KAZN: variants seen among roughly 807,000 people sequenced by gnomAD.
KAZN encodes kazrin, periplakin interacting protein, also known as kazrin.
A neutral mutation model predicts 87.4 loss-of-function variants in KAZN; 40 were observed. The ratio of observed to expected loss-of-function variants is 0.46; its 90% CI spans 0.36 to 0.60. KAZN has a LOEUF of 0.60. Among genes scored for constraint, KAZN ranks in the 20% least tolerant of loss-of-function variants. The pLI, the probability that KAZN is intolerant of heterozygous loss-of-function variation, is 0.00. For synonymous variants in KAZN, 466 were observed against 458.3 expected (o/e 1.02, Z -0.22); for missense variants, 898 against 1,073.9 (o/e 0.84, Z 2.29).
At chr1:14,494,276 T>A (rs902322849) in intron 2 of KAZN, among the ~76,000 whole-genome samples, 1 of 152,190 alleles carries the variant, frequency 6.6e-6, no homozygotes, top group Non-Finnish European at 1.5e-5. Flanking sequence ...GTGCCATAAA[T>A]AAGATGTGGG....
intron 1 of KAZN, among the ~76,000 whole-genome samples, chr1:14,681,214 G>A (rs1203038132): frequency 6.6e-6 from 1 of 152,160 alleles, no homozygotes; most frequent in Non-Finnish European, 1.5e-5. Flanking sequence ...GGTTTGGGTG[G>A]GGACAAATAC....
chr1:14,677,495 G>T (rs549796483), intron 1 of KAZN, among the ~76,000 whole-genome samples: 2 of 152,066 alleles, frequency 1.3e-5, no homozygotes, highest in Non-Finnish European at 2.9e-5. Context: ...GGCCTGTGGG[G>T]TAAGAGTGGA....
At chr1:15,083,668 G>A (rs1640115340) in intron 8 of KAZN, among the ~76,000 whole-genome samples, 1 of 151,994 alleles carries the variant, frequency 6.6e-6, no homozygotes, top group East Asian at 1.9e-4. Context: ...CTGTCTCGGT[G>A]CTTAGGCCTG....
chr1:14,848,214 G>A (rs1649004738), intron 1 of KAZN, among the ~76,000 whole-genome samples: 1 of 152,056 alleles, frequency 6.6e-6, no homozygotes, highest in Non-Finnish European at 1.5e-5. Flanking sequence ...TCTTTCCTCT[G>A]CTTTGCTGCT....
At chr1:13,903,407 A>G (rs1202903693) in intron 1 of KAZN, among the ~76,000 whole-genome samples, 1 of 152,190 alleles carries the variant, frequency 6.6e-6, no homozygotes, top group Non-Finnish European at 1.5e-5. Flanking sequence ...CATCCTCTTT[A>G]GTGCCTGCAT....
At chr1:14,870,609 G>A (rs140203004) in intron 1 of KAZN, among the ~76,000 whole-genome samples, 1 of 152,328 alleles carries the variant, frequency 6.6e-6, no homozygotes, top group East Asian at 1.9e-4. Flanking sequence ...CCAAAGTGCT[G>A]GGATTACAGG....
intron 1 of KAZN, among the ~76,000 whole-genome samples, chr1:14,064,917 C>T (rs930406206): frequency 4.6e-5 from 7 of 152,268 alleles, no homozygotes; most frequent in Middle Eastern, 6.8e-3. Flanking sequence ...AGTCTTGTCC[C>T]GGCAAATGCT....
chr1:14,494,179 G>T (rs972993057), intron 2 of KAZN, among the ~76,000 whole-genome samples: 2 of 152,182 alleles, frequency 1.3e-5, no homozygotes, highest in African/African-American at 4.8e-5. Flanking sequence ...GAGCAGCCCA[G>T]AGCCAGCAAG....
At chr1:14,552,493 G>A (rs938298238) in intron 2 of KAZN, among the ~76,000 whole-genome samples, 7 of 152,204 alleles carry the variant, frequency 4.6e-5, no homozygotes, top group African/African-American at 1.2e-4. Flanking sequence ...GCAACTTGGC[G>A]GTTGCCAGGG....
intron 2 of KAZN, among the ~76,000 whole-genome samples, chr1:14,487,807 T>C (rs1669426420): frequency 6.6e-6 from 1 of 152,098 alleles, no homozygotes; most frequent in Non-Finnish European, 1.5e-5. Context: ...TGAGGATGGA[T>C]CAGATGCCAT....
At chr1:14,431,994 C>T (rs1224259741) in intron 2 of KAZN, among the ~76,000 whole-genome samples, 4 of 152,080 alleles carry the variant, frequency 2.6e-5, no homozygotes, top group Admixed American at 6.5e-5. Context: ...TGGTTCTGTC[C>T]CTCTGGAGAA....
Position 14,700,704 on chromosome 1 carries a change from T to C in KAZN, c.226+101481T>C, listed in dbSNP as rs569645717. On this transcript the variant is annotated intron_variant, in intron 1 of 14. Transcript: ENST00000376030. ...TCTCTCGTGTCTAAAAAGGCAATGG[T>C]GTGGCTTGCCAGAGGCGTCCAGGAC... Among the ~76,000 whole-genome samples, 99 of 152,102 alleles carry C rather than the reference T, an allele frequency of 6.5e-4. No homozygotes were observed. In the South Asian group the frequency reaches 9.1e-3, roughly 14 times the overall value.
intron 13 of KAZN, among the ~76,000 whole-genome samples, chr1:15,110,511 G>GTA (rs1557807178): frequency 2.1e-4 from 19 of 91,134 alleles, no homozygotes; most frequent in Non-Finnish European, 4.0e-4. Context: ...GTGTATTTGT[G>GTA]TGTTTGTGTG....
chr1:14,666,638 C>T (rs533037029), intron 1 of KAZN, among the ~76,000 whole-genome samples: 2 of 152,262 alleles, frequency 1.3e-5, no homozygotes, highest in East Asian at 1.9e-4. Flanking sequence ...TTGCCTCTTT[C>T]GGCTTCTGGT....
intron 1 of KAZN, among the ~76,000 whole-genome samples, chr1:13,996,394 G>A (rs1639519542): frequency 6.6e-6 from 1 of 152,162 alleles, no homozygotes; most frequent in Non-Finnish European, 1.5e-5. Context: ...CTCCTCGAGG[G>A]AGGAGCAGCA....
At chr1:14,371,609 T>TA (rs901349840) in intron 2 of KAZN, among the ~76,000 whole-genome samples, 35 of 151,174 alleles carry the variant, frequency 2.3e-4, no homozygotes, top group East Asian at 1.7e-3. Flanking sequence ...AAGATGCTGA[T>TA]AAAAAAAAAT....
At chr1:14,709,817 C>T (rs563318430) in intron 1 of KAZN, among the ~76,000 whole-genome samples, 15 of 152,308 alleles carry the variant, frequency 9.8e-5, no homozygotes, top group Non-Finnish European at 1.9e-4. Flanking sequence ...TCACCAGGTG[C>T]CTTTTCTTAT....
At chr1:14,663,225 C>T (rs1363519047) in intron 1 of KAZN, among the ~76,000 whole-genome samples, 1 of 152,064 alleles carries the variant, frequency 6.6e-6, no homozygotes, top group East Asian at 1.9e-4. Context: ...AATCCTCCTG[C>T]CTTTGCCTCC....
chr1:14,227,927 G>A (rs991010730), intron 2 of KAZN, among the ~76,000 whole-genome samples: 1 of 152,134 alleles, frequency 6.6e-6, no homozygotes, highest in Non-Finnish European at 1.5e-5. Flanking sequence ...GAGACTCAGG[G>A]TGCTGCTTTG....
Sources: gnomAD v4.1 joint callset for allele counts (sites outside exome capture counted in the v4.1 genomes callset) on GRCh38, gnomAD v4.1.1 for gene constraint, MANE v1.5 for transcripts, NCBI Gene and HGNC (gene_info 2026-07-23, HGNC 2026-07-21) for gene names.